The following LRRTM3 variants were observed in gnomAD, a reference collection of about 807,000 sequenced individuals.
LRRTM3 encodes the protein leucine-rich repeat transmembrane neuronal protein 3.
In LRRTM3, 24 loss-of-function variants were observed where a neutral mutation model predicts 44.7. The ratio of observed to expected loss-of-function variants is 0.54; its 90% CI spans 0.39 to 0.76. LRRTM3 has a LOEUF of 0.76. Ranked by LOEUF, LRRTM3 falls within the 30% of genes least tolerant of loss-of-function variation. The pLI, the probability that LRRTM3 is intolerant of heterozygous loss-of-function variation, is 0.00. For synonymous variants in LRRTM3, 277 were observed against 278.7 expected (o/e 0.99, Z 0.06); for missense variants, 587 against 702.2 (o/e 0.84, Z 1.85).
intron 2 of LRRTM3, among the ~76,000 whole-genome samples, chr10:66,979,882 A>G (rs1388705522): frequency 6.6e-6 from 1 of 152,204 alleles, no homozygotes; most frequent in Non-Finnish European, 1.5e-5. Flanking sequence ...AAAACAAAAT[A>G]GAAAAAGCCT....
chr10:67,054,544 A>G (rs1486893011), intron 2 of LRRTM3: 2 of 152,158 alleles, frequency 1.3e-5, no homozygotes, highest in Non-Finnish European at 2.9e-5. Flanking sequence ...CTTGGCTATT[A>G]ATGCCTTATT....
At chr10:66,972,216 C>T (rs1849759763) in intron 2 of LRRTM3, among the ~76,000 whole-genome samples, 1 of 152,186 alleles carries the variant, frequency 6.6e-6, no homozygotes, top group Admixed American at 6.5e-5. Context: ...TTCTTTCTCT[C>T]ACAGGCTAAA....
chr10:66,969,760 G>T (rs1347417418), intron 2 of LRRTM3, among the ~76,000 whole-genome samples: 2 of 152,008 alleles, frequency 1.3e-5, no homozygotes, highest in Non-Finnish European at 2.9e-5. Context: ...TTAACTATTT[G>T]TACTTCTTTT....
chr10:67,098,396 A>G lies in LRRTM3; in HGVS notation c.*600A>G, dbSNP rs1292910143. 4 of 152,282 alleles carry G rather than the reference A, an allele frequency of 2.6e-5. No homozygotes were observed. Among genetic ancestry groups the G allele is most frequent in the Non-Finnish European group, 5.9e-5 (4 of 67,890 alleles). 9.4% of individuals were successfully genotyped at this position (152,282 alleles called of 1,614,324 possible). A position where few individuals can be genotyped will look rare whatever the true frequency, so the allele number is the denominator to read the frequency against. On this transcript the variant is annotated 3_prime_UTR_variant, in exon 3 of 3. Coordinates refer to ENST00000361320, the MANE Select transcript of LRRTM3 (RefSeq NM_178011.5). ...TTGTTCCAGAAATAATACATTAACC[A>G]AAAAGGATTTAATTGTTCAGACTTG...
In LRRTM3 at chr10:66,983,704, T is replaced by C. The variant is rs1010629319; in HGVS notation, c.1536+55252T>C. On this transcript the variant is annotated intron_variant, in intron 2 of 2. Coordinates refer to ENST00000361320, the MANE Select transcript of LRRTM3 (RefSeq NM_178011.5). The stretch of plus-strand genomic sequence containing the variant: ...GTGGAGGGAGGCATAGATAGTTTAG[T>C]CTTTCTCCACAGCAAAATAAATTAT... 3.3e-5 allele frequency among the ~76,000 whole-genome samples: 5 copies of C among 152,314 alleles called. No homozygotes were observed. The East Asian group carries it at 9.6e-4, about 29-fold the overall frequency.
intron 2 of LRRTM3, among the ~76,000 whole-genome samples, chr10:67,093,852 C>T (rs914947025): frequency 6.6e-6 from 1 of 151,934 alleles, no homozygotes; most frequent in African/African-American, 2.4e-5. Flanking sequence ...GGCACTAACA[C>T]AAATTGTCAT....
intron 2 of LRRTM3, among the ~76,000 whole-genome samples, chr10:66,932,154 C>A (rs1847437614): frequency 6.6e-6 from 1 of 152,112 alleles, no homozygotes; most frequent in South Asian, 2.1e-4. Flanking sequence ...ATTAGGCTCT[C>A]TGACAATGAT....
At chr10:67,079,570 C>T (rs911392770) in intron 2 of LRRTM3, among the ~76,000 whole-genome samples, 1 of 152,138 alleles carries the variant, frequency 6.6e-6, no homozygotes, top group African/African-American at 2.4e-5. Context: ...ATAGTCACAG[C>T]CCAGCGCGGT....
rs778228696 is a variant in LRRTM3 at position 66,927,020 on chromosome 10, C to G, written c.104C>G (p.Pro35Arg). 1 of 1,614,124 alleles carries G rather than the reference C, an allele frequency of 6.2e-7. No individual in the cohort carries two copies. The highest frequency in any genetic ancestry group is 2.2e-5 in the East Asian group (1 of 44,868). ...CTTTCTTCTGCCGAACGAGGATGCC[C>G]TAAGGGCTGTAGGTGTGAAGGCAAA... ...TMLSSAERGC[P>R]KGCRCEGKMV... is the part of the protein sequence containing the mutation. The change falls in exon 2 of 3, where the codon CCT (proline) becomes CGT (arginine). Residue 35 changes from proline to arginine, a missense_variant. Physicochemically the swap from Pro to Arg is moderately radical, Grantham distance 103. Around this residue, in one of 3 missense-constraint regions of LRRTM3, gnomAD observed 50 missense variants for 43.4 expected, o/e 1.15. Transcript: ENST00000361320. The surrounding 1 kb of genome is among the most constrained non-coding windows in gnomAD (Gnocchi z 4.7).
chr10:67,007,362 A>AATT (rs1777837930), intron 2 of LRRTM3, among the ~76,000 whole-genome samples: 1 of 151,968 alleles, frequency 6.6e-6, no homozygotes, highest in East Asian at 1.9e-4. Flanking sequence ...TTGATTTTTA[A>AATT]ATTACCCTTG....
At chr10:66,935,146 A>G (rs936117039) in intron 2 of LRRTM3, among the ~76,000 whole-genome samples, 3 of 152,110 alleles carry the variant, frequency 2.0e-5, no homozygotes, top group African/African-American at 7.2e-5. Context: ...CTGTCTTCCT[A>G]TAAGTTTCCC....
intron 2 of LRRTM3, among the ~76,000 whole-genome samples, chr10:67,011,829 G>C (rs970300562): frequency 5.9e-5 from 9 of 152,060 alleles, no homozygotes; most frequent in African/African-American, 2.2e-4. Flanking sequence ...GAAGTAATTT[G>C]CCCAAGGACC....
At chr10:67,069,495 AATAC>A (rs1425253715) in intron 2 of LRRTM3, among the ~76,000 whole-genome samples, 10 of 152,264 alleles carry the variant, frequency 6.6e-5, no homozygotes, top group African/African-American at 2.2e-4. Context: ...TCATAAACTG[AATAC>A]ATCTATGTAA....
chr10:67,070,226 A>C lies in LRRTM3; in HGVS notation c.1537-27361A>C, dbSNP rs1161030849. Reference sequence around the variant, plus strand: ...TGTGAAGTGTCTGTTCAAGACTTTTACTCACTTTTTTATTGGATTGTCTTT... The same window carrying C: ...TGTGAAGTGTCTGTTCAAGACTTTTCCTCACTTTTTTATTGGATTGTCTTT... On this transcript the variant is annotated intron_variant, in intron 2 of 2. Transcript: ENST00000361320. 2.6e-5 allele frequency among the ~76,000 whole-genome samples: 4 copies of C among 151,990 alleles called. 1 individual carries two copies. In the South Asian group the frequency reaches 8.3e-4, roughly 31 times the overall value.
intron 2 of LRRTM3, among the ~76,000 whole-genome samples, chr10:66,939,207 C>T (rs1847874748): frequency 6.6e-6 from 1 of 152,188 alleles, no homozygotes; most frequent in Admixed American, 6.5e-5. Flanking sequence ...ATGCAGAAGG[C>T]ATGTTAGATC....
At chr10:67,066,247 C>A (rs1160694646) in intron 2 of LRRTM3, among the ~76,000 whole-genome samples, 1 of 139,794 alleles carries the variant, frequency 7.2e-6, no homozygotes, top group Non-Finnish European at 1.5e-5. Flanking sequence ...GGCTAGAGTG[C>A]AGTGGCACCA....
At chr10:66,984,384 A>C (rs544984737) in intron 2 of LRRTM3, among the ~76,000 whole-genome samples, 2 of 152,300 alleles carry the variant, frequency 1.3e-5, no homozygotes, top group African/African-American at 4.8e-5. Context: ...GAAGGTTAAA[A>C]GTCTAAGAAG....
At chr10:67,049,647 C>T (rs10762133) in intron 2 of LRRTM3, among the ~76,000 whole-genome samples, 1 of 151,820 alleles carries the variant, frequency 6.6e-6, no homozygotes, top group African/African-American at 2.4e-5. Context: ...AACCAACACA[C>T]CTGAATTTTC....
intron 2 of LRRTM3, among the ~76,000 whole-genome samples, chr10:67,031,093 T>A (rs1472561496): frequency 6.6e-6 from 1 of 152,224 alleles, no homozygotes; most frequent in African/African-American, 2.4e-5. Context: ...GACTTCTGTT[T>A]TCACATGTTT....
Sources: allele counts gnomAD v4.1 joint callset (sites outside exome capture counted in the v4.1 genomes callset), GRCh38; gene constraint gnomAD v4.1.1; regional missense constraint gnomAD v4.1.1; non-coding constraint Gnocchi (gnomAD v3.1); transcripts MANE v1.5; gene names NCBI Gene and HGNC (gene_info 2026-07-23, HGNC 2026-07-21).